Variants in STK32C observed in about 807,000 individuals in gnomAD.
STK32C encodes serine/threonine-protein kinase 32C.
Under a neutral mutation model 56.5 loss-of-function variants are expected in STK32C, and 31 were observed. That is an observed-to-expected ratio of 0.55 (90% CI 0.41 to 0.74). The LOEUF (loss-of-function observed/expected upper bound fraction) is 0.74. Among genes scored for constraint, STK32C ranks in the 30% least tolerant of loss-of-function variants. The probability of loss-of-function intolerance (pLI) is 0.00; values close to 1 mark genes in which losing one functional copy is unlikely to be tolerated. For synonymous variants in STK32C, 309 were observed against 289.4 expected (o/e 1.07, Z -0.69); for missense variants, 544 against 676.9 (o/e 0.80, Z 2.18).
At chr10:132,314,921 G>A (rs2066285294) in intron 1 of STK32C, among the ~76,000 whole-genome samples, 1 of 152,216 alleles carries the variant, frequency 6.6e-6, no homozygotes, top group African/African-American at 2.4e-5. Flanking sequence ...CAGATCCTGA[G>A]TTCAGGAGTT....
chr10:132,329,536 A>G (rs1337684029), intron 1 of STK32C, among the ~76,000 whole-genome samples: 2 of 152,250 alleles, frequency 1.3e-5, no homozygotes, highest in African/African-American at 2.4e-5. Context: ...TAGACACAAA[A>G]AAGAAAATTA....
At chr10:132,325,468 G>C (rs1450421827) in intron 1 of STK32C, among the ~76,000 whole-genome samples, 5 of 151,634 alleles carry the variant, frequency 3.3e-5, no homozygotes, top group African/African-American at 1.2e-4. Flanking sequence ...CAGGAGAATG[G>C]CGTGAACCCA....
chr10:132,316,215 T>A (rs934286495), intron 1 of STK32C, among the ~76,000 whole-genome samples: 10 of 152,130 alleles, frequency 6.6e-5, no homozygotes, highest in Non-Finnish European at 1.0e-4. Flanking sequence ...AAAAAAAATT[T>A]AAAAAATAAA....
rs137945727 is a variant in STK32C at position 132,232,406 on chromosome 10, G to A, written c.319-4278C>T. Among the ~76,000 whole-genome samples, 794 of 152,256 alleles carry A rather than the reference G, an allele frequency of 5.2e-3. 21 individuals are homozygous for A. The highest frequency in any genetic ancestry group is 0.011 in the East Asian group (57 of 5,178). ...GGCCCCTGATGCAGGAGGCTCCAAC[G>A]AGCGGTGGCGTAAAGCCCTGGGTTT... On this transcript the variant is annotated intron_variant, in intron 2 of 11. Coordinates refer to ENST00000298630, the MANE Select transcript of STK32C (RefSeq NM_173575.4).
chr10:132,308,825 G>A (rs1465557422), upstream of STK32C, among the ~76,000 whole-genome samples: 1 of 152,190 alleles, frequency 6.6e-6, no homozygotes, highest in East Asian at 1.9e-4. Flanking sequence ...CCTGCGCAGG[G>A]CCAGGCGCGA....
At chr10:132,274,255 A>G (rs1241728897) in intron 1 of STK32C, among the ~76,000 whole-genome samples, 1 of 152,188 alleles carries the variant, frequency 6.6e-6, no homozygotes, top group Admixed American at 6.5e-5. Flanking sequence ...AGCAGCCAAC[A>G]GCTGCGCCCG....
chr10:132,267,483 G>A (rs1035603113), intron 1 of STK32C, among the ~76,000 whole-genome samples: 3 of 122,554 alleles, frequency 2.4e-5, no homozygotes, highest in Admixed American at 2.3e-4. Flanking sequence ...CTCTATGCCT[G>A]TCTGTGTGCA....
At chr10:132,266,183 G>A (rs1382466717) in intron 1 of STK32C, among the ~76,000 whole-genome samples, 5 of 152,218 alleles carry the variant, frequency 3.3e-5, no homozygotes, top group African/African-American at 7.2e-5. Flanking sequence ...CCATAGCCAC[G>A]TGGATGAATC....
rs750840570 is a variant in STK32C at position 132,226,911 on chromosome 10, C to T, written c.528G>A (p.Gly176=). The change falls in exon 4 of 12, where the codon GGG becomes GGA. Residue 176 remains glycine, a synonymous_variant. Coordinates refer to ENST00000298630, the MANE Select transcript of STK32C (RefSeq NM_173575.4). ...TCTGCTGCAGGTGGTAGCGCAGGTC[C>T]CCGCCCAGTAGCAGGTCCACGACCA... The part of the protein sequence containing the change: ...MFMVVDLLLG[G]DLRYHLQQNV... 1.8e-5 allele frequency: 29 copies of T among 1,613,354 alleles called. No homozygotes were observed. Among genetic ancestry groups the T allele is most frequent in the South Asian group, 9.9e-5 (9 of 91,094 alleles).
chr10:132,217,689 G>T (rs1427621700), intron 10 of STK32C, among the ~76,000 whole-genome samples: 1 of 152,112 alleles, frequency 6.6e-6, no homozygotes, highest in Non-Finnish European at 1.5e-5. Context: ...CTGTGCTGTT[G>T]TCATGATAGT....
At chr10:132,224,552 G>C in intron 7 of STK32C, 29 bp from the exon 8 acceptor site, 1 of 1,536,138 alleles carries the variant, frequency 6.5e-7, no homozygotes, top group Non-Finnish European at 8.9e-7. Context: ...TGCTGGGCAG[G>C]TCCTCCTGGC....
At chr10:132,270,835 C>T (rs1590343921) in intron 1 of STK32C, among the ~76,000 whole-genome samples, 2 of 152,154 alleles carry the variant, frequency 1.3e-5, no homozygotes, top group East Asian at 3.9e-4. Flanking sequence ...GGCTTCTTCC[C>T]ATCCTGGAAG....
intron 10 of STK32C, among the ~76,000 whole-genome samples, chr10:132,210,699 G>C (rs959565197): frequency 6.6e-6 from 1 of 152,250 alleles, no homozygotes; most frequent in African/African-American, 2.4e-5. Context: ...TGCCCGCCAA[G>C]ATAAAGGACA....
At chr10:132,280,366 G>T (rs1432711924) in intron 1 of STK32C, among the ~76,000 whole-genome samples, 2 of 135,960 alleles carry the variant, frequency 1.5e-5, no homozygotes, top group Non-Finnish European at 3.1e-5. Context: ...CCATGCCCCT[G>T]CACTCCGTGA....
chr10:132,261,764 C>CA (rs2064314422), intron 1 of STK32C, among the ~76,000 whole-genome samples: 1 of 151,712 alleles, frequency 6.6e-6, no homozygotes, highest in Non-Finnish European at 1.5e-5. Context: ...CAGTCTGTCT[C>CA]AAAAAAATAA....
At chr10:132,303,981 C>T (rs879907665) in intron 1 of STK32C, among the ~76,000 whole-genome samples, 9 of 152,336 alleles carry the variant, frequency 5.9e-5, no homozygotes, top group Admixed American at 3.3e-4. Context: ...GGTTACCCCA[C>T]GACAGCATGG....
At position 132,207,857 on chromosome 10, in the gene STK32C, A is replaced by T; in HGVS notation, c.*153T>A. On this transcript the variant is annotated 3_prime_UTR_variant, in exon 12 of 12. Transcript: ENST00000298630. ...ACAGCCTCTTGTCCCCTGCACCACC[A>T]CGAGCCTGAGGTGTGAAATGTGTCC... 1 of 939,530 alleles carries T rather than the reference A, an allele frequency of 1.1e-6. No individual in the cohort carries two copies. Among genetic ancestry groups the T allele is most frequent in the Non-Finnish European group, 1.4e-6 (1 of 720,692 alleles). 58.2% of individuals were successfully genotyped at this position (939,530 alleles called of 1,614,324 possible).
In STK32C at chr10:132,307,471, G is replaced by T. The variant is rs1426638131; in HGVS notation, c.262+101C>A. On this transcript the variant is annotated intron_variant, in intron 1 of 11. Transcript: ENST00000298630. This position sits in a 1 kb window ranked among gnomAD's most constrained non-coding sequence, Gnocchi z 4.4. Reference sequence around the variant, plus strand: ...GGAAGCCGGGGCGCCCCGGGAAGCCGTCCCGGACACCGGGGGAACCCCTGC... The same window carrying T: ...GGAAGCCGGGGCGCCCCGGGAAGCCTTCCCGGACACCGGGGGAACCCCTGC... 23 of 1,312,316 alleles carry T rather than the reference G, an allele frequency of 1.8e-5. No homozygotes were observed. Among genetic ancestry groups the T allele is most frequent in the Non-Finnish European group, 2.3e-5 (23 of 1,005,796 alleles). The allele number at this position is 1,312,316 out of a possible 1,614,324, so 81.3% of individuals were successfully genotyped here. A position where few individuals can be genotyped will look rare whatever the true frequency, so the allele number is the denominator to read the frequency against.
intron 1 of STK32C, among the ~76,000 whole-genome samples, chr10:132,315,538 C>G: frequency 6.6e-6 from 1 of 152,116 alleles, no homozygotes; most frequent in East Asian, 1.9e-4. Context: ...AATATGTATG[C>G]GCCTAATAAG....
Sources: allele counts gnomAD v4.1 joint callset (sites outside exome capture counted in the v4.1 genomes callset), GRCh38; gene constraint gnomAD v4.1.1; non-coding constraint Gnocchi (gnomAD v3.1); transcripts MANE v1.5; gene names NCBI Gene and HGNC (gene_info 2026-07-23, HGNC 2026-07-21).